The following GRM7 variants were observed in gnomAD, a reference collection of about 807,000 sequenced individuals.
The protein encoded by GRM7 is glutamate metabotropic receptor 7.
Under a neutral mutation model 84.5 loss-of-function variants are expected in GRM7, and 35 were observed. The observed-to-expected ratio is 0.41, with a 90% CI of 0.32 to 0.55. GRM7 has a LOEUF of 0.55. Ranked by LOEUF, GRM7 falls within the 20% of genes least tolerant of loss-of-function variation. The pLI is 0.19. For synonymous variants in GRM7, 487 were observed against 455.1 expected (o/e 1.07, Z -0.89); for missense variants, 1,003 against 1,194.6 (o/e 0.84, Z 2.36).
At chr3:7,326,708 G>A (rs544431166) in intron 4 of GRM7, among the ~76,000 whole-genome samples, 2 of 151,796 alleles carry the variant, frequency 1.3e-5, no homozygotes, top group Admixed American at 1.3e-4. Flanking sequence ...TTAGCCAGGT[G>A]TGGTGGCACA....
At chr3:7,514,014 G>A (rs1490202762) in intron 7 of GRM7, among the ~76,000 whole-genome samples, 2 of 152,184 alleles carry the variant, frequency 1.3e-5, no homozygotes, top group Admixed American at 1.3e-4. Flanking sequence ...TGTGTACCTT[G>A]AGTGACTTAA....
At chr3:6,999,269 G>A (rs538536404) in intron 1 of GRM7, among the ~76,000 whole-genome samples, 287 of 152,246 alleles carry the variant, frequency 1.9e-3, no homozygotes, top group South Asian at 6.9e-3. Flanking sequence ...TCATCTCCAT[G>A]TGAGAACACC....
chr3:7,193,901 G>A (rs1386235667), intron 2 of GRM7, among the ~76,000 whole-genome samples: 1 of 151,992 alleles, frequency 6.6e-6, no homozygotes. Flanking sequence ...CATTAGTGTG[G>A]ATACCACCTC....
chr3:7,274,479 A>G (rs1698979739), intron 2 of GRM7, among the ~76,000 whole-genome samples: 1 of 152,182 alleles, frequency 6.6e-6, no homozygotes, highest in African/African-American at 2.4e-5. Flanking sequence ...TTTATCTGAG[A>G]AAGTCTTCAT....
intron 7 of GRM7, among the ~76,000 whole-genome samples, chr3:7,501,323 A>C (rs571637819): frequency 6.6e-6 from 1 of 152,292 alleles, no homozygotes; most frequent in South Asian, 2.1e-4. Flanking sequence ...TCTTATTAAG[A>C]TCAGAAAAGC....
At chr3:6,972,587 G>A (rs1693801899) in intron 1 of GRM7, among the ~76,000 whole-genome samples, 1 of 152,150 alleles carries the variant, frequency 6.6e-6, no homozygotes, top group South Asian at 2.1e-4. Context: ...AATGTCAAAA[G>A]GCCTATTGGC....
intron 1 of GRM7, among the ~76,000 whole-genome samples, chr3:7,140,236 G>C (rs538841251): frequency 1.3e-5 from 2 of 152,138 alleles, no homozygotes; most frequent in African/African-American, 4.8e-5. Context: ...TCATGAGAGA[G>C]AGTGAGAAGT....
chr3:7,587,528 C>T (rs545667866), intron 8 of GRM7, among the ~76,000 whole-genome samples: 5 of 152,246 alleles, frequency 3.3e-5, no homozygotes, highest in African/African-American at 1.2e-4. Flanking sequence ...ACTGGAGAGA[C>T]GGGTAGAGGC....
intron 2 of GRM7, among the ~76,000 whole-genome samples, chr3:7,162,708 C>T (rs577824118): frequency 1.6e-5 from 2 of 124,580 alleles, no homozygotes; most frequent in East Asian, 4.8e-4. Context: ...TACTTGCAAT[C>T]TCCCATTACT....
At chr3:6,894,787 G>A (rs1696113616) in intron 1 of GRM7, among the ~76,000 whole-genome samples, 1 of 152,146 alleles carries the variant, frequency 6.6e-6, no homozygotes. Context: ...TGATGGAAAA[G>A]CATTCATCTG....
At chr3:7,068,182 T>C (rs1697735213) in intron 1 of GRM7, among the ~76,000 whole-genome samples, 2 of 152,000 alleles carry the variant, frequency 1.3e-5, no homozygotes, top group Admixed American at 1.3e-4. Flanking sequence ...TGATTACTGA[T>C]AGAATAAATG....
intron 1 of GRM7, among the ~76,000 whole-genome samples, chr3:7,117,948 T>C (rs1693092200): frequency 6.6e-6 from 1 of 152,298 alleles, no homozygotes; most frequent in East Asian, 1.9e-4. Context: ...GTTTATCTTT[T>C]ATCAAGTTCT....
At chr3:7,583,412 G>A (rs1232241468) in intron 8 of GRM7, among the ~76,000 whole-genome samples, 2 of 152,170 alleles carry the variant, frequency 1.3e-5, no homozygotes, top group Non-Finnish European at 2.9e-5. Context: ...CCACGCCCAA[G>A]GCAGACATCA....
chr3:7,718,597 C>T (rs1701840796), intron 9 of GRM7, among the ~76,000 whole-genome samples: 2 of 152,074 alleles, frequency 1.3e-5, no homozygotes, highest in South Asian at 4.2e-4. Flanking sequence ...CCACAGCACA[C>T]CAAGAGTACA....
At chr3:6,865,519 G>A (rs539652326) in intron 1 of GRM7, among the ~76,000 whole-genome samples, 1 of 150,042 alleles carries the variant, frequency 6.7e-6, no homozygotes, top group East Asian at 2.0e-4. Context: ...CTATAGACTT[G>A]GAATTGAATG....
intron 1 of GRM7, among the ~76,000 whole-genome samples, chr3:6,915,328 G>A (rs1294336325): frequency 6.6e-6 from 1 of 152,132 alleles, no homozygotes; most frequent in African/African-American, 2.4e-5. Flanking sequence ...TGTCGTTGCT[G>A]TTGTGCTCTG....
intron 4 of GRM7, among the ~76,000 whole-genome samples, chr3:7,402,151 A>T (rs984708491): frequency 6.6e-6 from 1 of 152,242 alleles, no homozygotes; most frequent in Non-Finnish European, 1.5e-5. Flanking sequence ...CTGAGTTTAC[A>T]TCTCTTCTAT....
At chr3:7,030,248 T>C (rs940139598) in intron 1 of GRM7, among the ~76,000 whole-genome samples, 4 of 152,234 alleles carry the variant, frequency 2.6e-5, no homozygotes, top group African/African-American at 9.6e-5. Flanking sequence ...CAGTCTAATC[T>C]GTAGTGACAG....
In GRM7 at chr3:7,265,053, A is replaced by AG. The variant is rs543208882; in HGVS notation, c.737-33630dup. Among the ~76,000 whole-genome samples, 16 of 152,380 alleles carry AG rather than the reference A, an allele frequency of 1.1e-4. No individual in the cohort carries two copies. In the South Asian group the frequency reaches 3.3e-3, roughly 32 times the overall value. On this transcript the variant is annotated intron_variant, in intron 2 of 9. Coordinates refer to ENST00000357716, the MANE Select transcript of GRM7 (RefSeq NM_000844.4). Reference sequence around the variant, plus strand: ...ATTTCAAATCACTTGTACACCCCTTAGCAGGCACATTTTCTGTGCAAAGAG... The same window carrying AG: ...ATTTCAAATCACTTGTACACCCCTTAGGCAGGCACATTTTCTGTGCAAAGAG...
Sources: gnomAD v4.1 joint callset for allele counts (sites outside exome capture counted in the v4.1 genomes callset) on GRCh38, gnomAD v4.1.1 for gene constraint, MANE v1.5 for transcripts, NCBI Gene and HGNC (gene_info 2026-07-23, HGNC 2026-07-21) for gene names.